Variants in MAGI2 observed in about 807,000 individuals in gnomAD.
The protein encoded by MAGI2 is membrane-associated guanylate kinase, WW and PDZ domain-containing protein 2.
A neutral mutation model predicts 133.3 loss-of-function variants in MAGI2; 35 were observed. The observed-to-expected ratio is 0.26, with a 90% CI of 0.20 to 0.35. MAGI2 has a LOEUF of 0.35. Among genes scored for constraint, MAGI2 ranks in the 10% least tolerant of loss-of-function variants. The pLI, the probability that MAGI2 is intolerant of heterozygous loss-of-function variation, is 1.00. For synonymous variants in MAGI2, 729 were observed against 710.6 expected (o/e 1.03, Z -0.41); for missense variants, 1,636 against 1,863.4 (o/e 0.88, Z 2.25).
intron 1 of MAGI2, among the ~76,000 whole-genome samples, chr7:79,243,088 C>T (rs765315956): frequency 1.3e-4 from 19 of 151,858 alleles, no homozygotes; most frequent in Admixed American, 7.2e-4. Flanking sequence ...TGGTTGTGCA[C>T]GCCTGTAATC....
At chr7:78,784,952 C>A (rs559370467) in intron 2 of MAGI2, among the ~76,000 whole-genome samples, 1 of 152,010 alleles carries the variant, frequency 6.6e-6, no homozygotes, top group South Asian at 2.1e-4. Context: ...TATTTTTTTG[C>A]ATCATTCTAA....
chr7:78,857,878 G>A (rs1321982467), intron 2 of MAGI2, among the ~76,000 whole-genome samples: 1 of 152,114 alleles, frequency 6.6e-6, no homozygotes, highest in Non-Finnish European at 1.5e-5. Flanking sequence ...GATTCCGTCT[G>A]GTCCTGGATT....
chr7:79,046,010 GA>G (rs1812147891), intron 1 of MAGI2, among the ~76,000 whole-genome samples: 1 of 152,154 alleles, frequency 6.6e-6, no homozygotes, highest in Non-Finnish European at 1.5e-5. Context: ...AACTACTGGG[GA>G]AAAATTTGAG....
At chr7:79,149,964 T>C (rs929523994) in intron 1 of MAGI2, among the ~76,000 whole-genome samples, 1 of 152,002 alleles carries the variant, frequency 6.6e-6, no homozygotes, top group Non-Finnish European at 1.5e-5. Context: ...GAGCTGCAAG[T>C]GTTGATATGC....
Position 78,945,048 on chromosome 7 carries a change from A to G in MAGI2, c.418+62042T>C, listed in dbSNP as rs532408912. Among the ~76,000 whole-genome samples the G allele has an allele frequency of 3.3e-5, 5 of 151,392 alleles. No individual in the cohort carries two copies. In the South Asian group the frequency reaches 1.0e-3, roughly 32 times the overall value. On this transcript the variant is annotated intron_variant, in intron 2 of 21. Coordinates refer to ENST00000354212, the MANE Select transcript of MAGI2 (RefSeq NM_012301.4). ...GCCACTGTGCCCAGCCTCATTATTAAATTAAATTAATTAATTATTTTTTTG... is the reference window on the plus strand; with the variant it reads ...GCCACTGTGCCCAGCCTCATTATTAGATTAAATTAATTAATTATTTTTTTG...
intron 1 of MAGI2, among the ~76,000 whole-genome samples, chr7:79,140,406 C>G (rs907646668): frequency 2.0e-5 from 3 of 152,106 alleles, no homozygotes; most frequent in African/African-American, 7.2e-5. Flanking sequence ...CTCTCTGCCC[C>G]ATTATTAATA....
At chr7:78,192,427 C>G (rs1420796596) in intron 12 of MAGI2, among the ~76,000 whole-genome samples, 1 of 151,352 alleles carries the variant, frequency 6.6e-6, no homozygotes, top group African/African-American at 2.4e-5. Flanking sequence ...GCTTTCCAAT[C>G]ATTAATTAAA....
intron 5 of MAGI2, among the ~76,000 whole-genome samples, chr7:78,497,131 T>G (rs1311112397): frequency 6.6e-6 from 1 of 151,004 alleles, no homozygotes; most frequent in African/African-American, 2.5e-5. Context: ...GAATTTACAA[T>G]TAATATACTG....
chr7:78,043,205 C>T (rs545106852), intron 21 of MAGI2, among the ~76,000 whole-genome samples: 1 of 152,266 alleles, frequency 6.6e-6, no homozygotes, highest in African/African-American at 2.4e-5. Flanking sequence ...CTTTTCTTAC[C>T]TATAACACCT....
chr7:78,124,248 G>T (rs542146781), intron 20 of MAGI2, among the ~76,000 whole-genome samples: 18 of 152,148 alleles, frequency 1.2e-4, no homozygotes, highest in Non-Finnish European at 1.9e-4. Context: ...TGTCCTTCTG[G>T]CTTATAGGGA....
chr7:78,938,326 G>C (rs719413), intron 2 of MAGI2, among the ~76,000 whole-genome samples: 18,735 of 151,872 alleles, frequency 0.12, 2,665 homozygotes, highest in African/African-American at 0.33. Flanking sequence ...ATTATATAAC[G>C]ATTCAAAGTT....
At chr7:78,236,031 T>G (rs1362032595) in intron 10 of MAGI2, among the ~76,000 whole-genome samples, 3 of 151,176 alleles carry the variant, frequency 2.0e-5, no homozygotes, top group Non-Finnish European at 4.4e-5. Flanking sequence ...CTGTATGTTT[T>G]TTTTTTTTTT....
intron 13 of MAGI2, among the ~76,000 whole-genome samples, chr7:78,179,985 G>T (rs978409588): frequency 2.6e-5 from 4 of 152,192 alleles, no homozygotes. Flanking sequence ...CTCCTCCCAA[G>T]AGAAGGAGAA....
intron 2 of MAGI2, among the ~76,000 whole-genome samples, chr7:78,976,310 G>A (rs1804243999): frequency 6.6e-6 from 1 of 151,354 alleles, no homozygotes; most frequent in Non-Finnish European, 1.5e-5. Context: ...CATATCAACA[G>A]GCCATGGAGA....
intron 2 of MAGI2, among the ~76,000 whole-genome samples, chr7:78,740,472 C>T (rs915986125): frequency 6.6e-6 from 1 of 152,158 alleles, no homozygotes; most frequent in Non-Finnish European, 1.5e-5. Flanking sequence ...AATCTTTAAT[C>T]GCAGTATTAT....
chr7:79,285,973 C>T (rs759416547), intron 1 of MAGI2, among the ~76,000 whole-genome samples: 11 of 152,068 alleles, frequency 7.2e-5, no homozygotes, highest in Non-Finnish European at 1.2e-4. Flanking sequence ...ATGAGTAGGA[C>T]AGTAAATCTT....
chr7:78,245,196 A>G (rs1035336952), intron 10 of MAGI2, among the ~76,000 whole-genome samples: 1 of 152,258 alleles, frequency 6.6e-6, no homozygotes, highest in Non-Finnish European at 1.5e-5. Context: ...GGAGCTGGGC[A>G]GAAGATAGAT....
chr7:78,216,874 G>A (rs1052493721), intron 10 of MAGI2, among the ~76,000 whole-genome samples: 6 of 152,220 alleles, frequency 3.9e-5, no homozygotes, highest in African/African-American at 1.4e-4. Flanking sequence ...CTGAGATCAA[G>A]GTGTTGGTAG....
At chr7:78,637,065 AGT>A (rs1303860823) in intron 2 of MAGI2, among the ~76,000 whole-genome samples, 2 of 152,206 alleles carry the variant, frequency 1.3e-5, no homozygotes. Flanking sequence ...AAATAAAAAC[AGT>A]GTTAAATTTC....
Sources: gnomAD v4.1 joint callset for allele counts (sites outside exome capture counted in the v4.1 genomes callset) on GRCh38, gnomAD v4.1.1 for gene constraint, MANE v1.5 for transcripts, NCBI Gene and HGNC (gene_info 2026-07-23, HGNC 2026-07-21) for gene names.